ZNF433: variants seen among roughly 807,000 people sequenced by gnomAD.
ZNF433 encodes the protein zinc finger protein 433.
ZNF433 carries 12 observed loss-of-function variants against 10.6 expected under a neutral mutation model. The observed-to-expected ratio is 1.13, with a 90% CI of 0.72 to 1.83. The LOEUF (loss-of-function observed/expected upper bound fraction) is 1.83, where lower values mean the gene tolerates loss of function less well. ZNF433 is among the 40% of genes most tolerant of loss of function. The pLI is 0.00. For missense variants in ZNF433, 737 were observed against 798.0 expected, an observed-to-expected ratio of 0.92 and a Z score of 0.92; for synonymous variants, 272 against 271.3, an observed-to-expected ratio of 1.00 and a Z score of -0.02.
At position 12,033,733 on chromosome 19, in the gene ZNF433, A is replaced by G. The variant is rs956206211; in HGVS notation, c.3+1804T>C. Among the ~76,000 whole-genome samples, 4 of 151,342 alleles carry G rather than the reference A, an allele frequency of 2.6e-5. 1 individual carries two copies. Among genetic ancestry groups the G allele is most frequent in the African/African-American group, 9.7e-5 (4 of 41,186 alleles). Reference sequence around the variant, plus strand: ...GCTACTTGGGAGGCTGAGTCAGGAGAATGGCGTGAACCCGGGAGGCGGAGC... The same window carrying G: ...GCTACTTGGGAGGCTGAGTCAGGAGGATGGCGTGAACCCGGGAGGCGGAGC... On this transcript the variant is annotated intron_variant, in intron 1 of 3. Transcript: ENST00000550507.
chr19:12,020,213 A>C (rs1974416584), intron 1 of ZNF433, among the ~76,000 whole-genome samples: 2 of 152,182 alleles, frequency 1.3e-5, no homozygotes, highest in South Asian at 2.1e-4. Flanking sequence ...CAGAGGCTGC[A>C]GTGAGCCGAG....
At chr19:12,033,626 T>C (rs945562362) in intron 1 of ZNF433, among the ~76,000 whole-genome samples, 5 of 152,000 alleles carry the variant, frequency 3.3e-5, no homozygotes, top group Admixed American at 6.6e-5. Context: ...ATCAAGACCA[T>C]CCTGGCTAAC....
chr19:12,020,308 A>T (rs976950667), intron 1 of ZNF433, among the ~76,000 whole-genome samples: 3 of 152,134 alleles, frequency 2.0e-5, no homozygotes, highest in Admixed American at 6.6e-5. Flanking sequence ...AAGTATTTGA[A>T]TGACATTTCT....
chr19:12,027,164 G>A (rs1327340423), intron 1 of ZNF433: 1 of 434,876 alleles, frequency 2.3e-6, no homozygotes, highest in East Asian at 7.0e-5. Flanking sequence ...TGGATTAGCA[G>A]CTATTAACCC....
chr19:12,026,526 A>G, intron 1 of ZNF433: 1 of 355,578 alleles, frequency 2.8e-6, no homozygotes, highest in Non-Finnish European at 5.5e-6. Flanking sequence ...TATTGGGCAT[A>G]TTTATCAATC....
intron 1 of ZNF433, among the ~76,000 whole-genome samples, chr19:12,020,263 C>T (rs570415541): frequency 1.2e-3 from 180 of 151,838 alleles, no homozygotes; most frequent in Non-Finnish European, 2.1e-3. Context: ...GAGAGCAAGA[C>T]TCTGTCTCAA....
intron 1 of ZNF433, chr19:12,030,166 A>T (rs1158652283): frequency 2.2e-6 from 1 of 448,918 alleles, no homozygotes; most frequent in South Asian, 1.6e-5. Context: ...CAGCACCTTG[A>T]ACATGGACTT....
Position 12,016,050 on chromosome 19 carries a change from T to G in ZNF433, c.808A>C (p.Lys270Gln). The G allele has an allele frequency of 6.2e-7, 1 of 1,613,712 alleles. No individual in the cohort carries two copies. ...GGCTTCTCCCCAGTGTGAGTTCTTT[T>G]ATGAGCATGAAGGCATGTGGAACTA... ...FHSSTCLHAH[K>Q]RTHTGEKPYE... is the part of the protein sequence containing the mutation. The change falls in exon 4 of 4, where the codon AAA becomes CAA. Residue 270 changes from lysine to glutamine, a missense_variant. Physicochemically the swap from Lys to Gln is moderately conservative, Grantham distance 53. Transcript: ENST00000550507.
intron 1 of ZNF433, among the ~76,000 whole-genome samples, chr19:12,022,416 T>C (rs1282272668): frequency 1.3e-5 from 2 of 152,206 alleles, no homozygotes; most frequent in South Asian, 2.1e-4. Flanking sequence ...GTCAGCCCCC[T>C]GATTTGCCAC....
chr19:12,015,914 G>A lies in ZNF433; in HGVS notation c.944C>T (p.Ala315Val). 1 of 1,613,906 alleles carries A rather than the reference G, an allele frequency of 6.2e-7. No homozygotes were observed. The highest frequency in any genetic ancestry group is 8.5e-7 in the Non-Finnish European group (1 of 1,179,928). The change falls in exon 4 of 4, where the codon GCA (alanine) becomes GTA (valine). Residue 315 changes from alanine (A) to valine (V), a missense_variant. Physicochemically the swap from Ala to Val is moderately conservative, Grantham distance 64 (BLOSUM62 0). Coordinates refer to ENST00000550507, the MANE Select transcript of ZNF433 (RefSeq NM_001308348.2). ...KPYECKECGK[A>V]FKCPSSVRRH... ...GCGAACAGAACTGGGACACTTGAAT[G>A]CTTTTCCACATTCCTTACATTCATA... is the stretch of plus-strand genomic sequence containing the variant.
intron 1 of ZNF433, 39 bp downstream of exon 1, chr19:12,035,498 C>G (rs1469455699): frequency 1.3e-6 from 2 of 1,561,926 alleles, no homozygotes; most frequent in Admixed American, 3.8e-5. Context: ...TTCCAACCAG[C>G]TCCTCCCCCG....
intron 1 of ZNF433, chr19:12,026,679 G>C (rs1479835409): frequency 2.4e-5 from 11 of 454,014 alleles, no homozygotes; most frequent in Non-Finnish European, 4.4e-5. Context: ...GATTGGACCT[G>C]GTCAGAAAAA....
Position 12,016,016 on chromosome 19 carries a change from C to T in ZNF433, c.842G>A (p.Cys281Tyr), listed in dbSNP as rs947640703. 3.7e-6 allele frequency: 6 copies of T among 1,613,958 alleles called. No homozygotes were observed. Among genetic ancestry groups the T allele is most frequent in the East Asian group, 4.5e-5 (2 of 44,886 alleles). ...GCTGAAGGCTTTCCCACACTGTTTA[C>T]ATTCATATGGCTTCTCCCCAGTGTG... Reference protein sequence around the residue: ...RTHTGEKPYECKQCGKAFSSS... With the variant: ...RTHTGEKPYEYKQCGKAFSSS... Residue 281 changes from cysteine to tyrosine, a missense_variant, in exon 4 of 4, where the codon TGT becomes TAT. Transcript: ENST00000550507.
intron 1 of ZNF433, among the ~76,000 whole-genome samples, chr19:12,029,248 G>A (rs1275524909): frequency 6.6e-6 from 1 of 152,146 alleles, no homozygotes; most frequent in Non-Finnish European, 1.5e-5. Flanking sequence ...TAAGCTGGGT[G>A]TGGTAGCTCA....
At position 12,018,883 on chromosome 19, in the gene ZNF433, G is replaced by A. The variant is rs533446121; in HGVS notation, c.4-591C>T. Among the ~76,000 whole-genome samples the A allele has an allele frequency of 5.3e-5, 8 of 150,078 alleles. No individual in the cohort carries two copies. In the East Asian group the frequency reaches 8.0e-4, roughly 15 times the overall value. On this transcript the variant is annotated intron_variant, in intron 1 of 3. Coordinates refer to ENST00000550507, the MANE Select transcript of ZNF433 (RefSeq NM_001308348.2). ...CAGCCTGGGCAACAGAGTGAGACTC[G>A]GTCTCAAAAAAATAAAATTAGCCAG...
chr19:12,027,578 A>G (rs1217509435), intron 1 of ZNF433, among the ~76,000 whole-genome samples: 1 of 152,270 alleles, frequency 6.6e-6, no homozygotes, highest in African/African-American at 2.4e-5. Flanking sequence ...ATAACTAGCC[A>G]GAGCCCATCC....
chr19:12,031,180 C>G (rs1336918854), intron 1 of ZNF433, among the ~76,000 whole-genome samples: 2 of 151,798 alleles, frequency 1.3e-5, no homozygotes, highest in Non-Finnish European at 2.9e-5. Context: ...CCTGTAGTCC[C>G]AGCTACTTGG....
intron 1 of ZNF433, chr19:12,034,690 A>G (rs1045721342): frequency 4.9e-5 from 20 of 404,630 alleles, no homozygotes; most frequent in African/African-American, 3.9e-4. Context: ...TCTTCACTTA[A>G]GCAATCCTTC....
intron 1 of ZNF433, among the ~76,000 whole-genome samples, chr19:12,022,600 G>A (rs781561549): frequency 3.9e-5 from 6 of 152,168 alleles, no homozygotes; most frequent in African/African-American, 1.2e-4. Flanking sequence ...GAGGACACCC[G>A]AGTACTCTAA....
Sources: gnomAD v4.1 joint callset for allele counts (sites outside exome capture counted in the v4.1 genomes callset) on GRCh38, gnomAD v4.1.1 for gene constraint, MANE v1.5 for transcripts, NCBI Gene and HGNC (gene_info 2026-07-23, HGNC 2026-07-21) for gene names.